ABCB7: variants seen among roughly 807,000 people sequenced by gnomAD.
ABCB7 encodes ATP binding cassette subfamily B member 7.
A neutral mutation model predicts 54.4 loss-of-function variants in ABCB7; 7 were observed. That is an observed-to-expected ratio of 0.13 (90% CI 0.07 to 0.24). The LOEUF (loss-of-function observed/expected upper bound fraction) is 0.24, where lower values mean the gene tolerates loss of function less well. Among genes scored for constraint, ABCB7 ranks in the 10% least tolerant of loss-of-function variants. The pLI, the probability that ABCB7 is intolerant of heterozygous loss-of-function variation, is 1.00. For synonymous variants in ABCB7, 218 were observed against 207.1 expected, an observed-to-expected ratio of 1.05 and a Z score of -0.45; for missense variants, 356 against 570.4, an observed-to-expected ratio of 0.62 and a Z score of 3.83.
chrX:75,125,182 GTCA>G (rs2081913831), intron 1 of ABCB7, among the ~76,000 whole-genome samples: 1 of 111,213 alleles, frequency 9.0e-6, no homozygotes, highest in South Asian at 3.8e-4. Flanking sequence ...CAATATGCAG[GTCA>G]TATCCCAAAC....
intron 13 of ABCB7, 116 bp downstream of exon 13, chrX:75,064,954 G>A: frequency 2.4e-6 from 2 of 842,535 alleles, no homozygotes; most frequent in Non-Finnish European, 3.4e-6. Context: ...AATCAAATGT[G>A]ACTCAACGAG....
At chrX:75,147,841 C>T (rs1404949751) in intron 1 of ABCB7, among the ~76,000 whole-genome samples, 3 of 112,595 alleles carry the variant, frequency 2.7e-5, no homozygotes, top group Non-Finnish European at 5.6e-5. Flanking sequence ...CAAGGCCAGG[C>T]GTGGTGGCTC....
intron 1 of ABCB7, among the ~76,000 whole-genome samples, chrX:75,136,247 T>C (rs1260960274): frequency 1.8e-5 from 2 of 111,028 alleles, no homozygotes; most frequent in East Asian, 2.8e-4. Context: ...CCATTCACAA[T>C]AGCAACAAAA....
At chrX:75,057,163 T>C (rs2081247020) in intron 15 of ABCB7, among the ~76,000 whole-genome samples, 1 of 111,981 alleles carries the variant, frequency 8.9e-6, no homozygotes, top group South Asian at 3.7e-4. Context: ...CTCTTTTCCG[T>C]ATCTCTTCTA....
At position 75,086,300 on chromosome X, in the gene ABCB7, A is replaced by G. The variant is rs561207123; in HGVS notation, c.454-9646T>C. On this transcript the variant is annotated intron_variant, in intron 4 of 15. Coordinates refer to ENST00000373394, the MANE Select transcript of ABCB7 (RefSeq NM_001271696.3). ...CAAAACTGTAAAATTTGGGACACTA[A>G]CTGAAGAAGAGAGTTAAGTAAAAAG... is the stretch of plus-strand genomic sequence containing the variant. Among the ~76,000 whole-genome samples the G allele has an allele frequency of 1.2e-4, 13 of 112,221 alleles. No homozygotes were observed. The South Asian group carries it at 4.5e-3, about 39-fold the overall frequency.
chrX:75,155,989 C>T, intron 1 of ABCB7, 116 bp downstream of exon 1: 1 of 841,119 alleles, frequency 1.2e-6, no homozygotes, highest in Non-Finnish European at 1.7e-6. Flanking sequence ...CTGCTGCTCC[C>T]AGTTAGCCAT....
chrX:75,059,283 G>C (rs12389936), intron 15 of ABCB7, among the ~76,000 whole-genome samples: 1 of 110,084 alleles, frequency 9.1e-6, no homozygotes, highest in African/African-American at 3.3e-5. Context: ...TTTAAGACCA[G>C]CCTGGGCAAC....
intron 1 of ABCB7, among the ~76,000 whole-genome samples, chrX:75,117,627 A>G (rs1332626476): frequency 3.6e-5 from 4 of 111,326 alleles, no homozygotes; most frequent in East Asian, 2.8e-4. Context: ...TGGGATGTTA[A>G]CTGCTACTCT....
chrX:75,122,449 G>C (rs1379891056), intron 1 of ABCB7, among the ~76,000 whole-genome samples: 1 of 112,345 alleles, frequency 8.9e-6, no homozygotes, highest in East Asian at 2.8e-4. Context: ...CCCCGCCTAT[G>C]GAATAGCCAT....
intron 5 of ABCB7, among the ~76,000 whole-genome samples, chrX:75,076,102 A>G (rs1045620088): frequency 3.6e-5 from 4 of 111,713 alleles, no homozygotes; most frequent in African/African-American, 1.3e-4. Flanking sequence ...TGTTCTTTTC[A>G]AATTGTAGAT....
chrX:75,146,016 C>T (rs1207922730), intron 1 of ABCB7, among the ~76,000 whole-genome samples: 4 of 110,409 alleles, frequency 3.6e-5, no homozygotes, highest in Non-Finnish European at 5.7e-5. Context: ...TATACACCGA[C>T]AACCATCAAG....
At chrX:75,152,778 G>A (rs1277522222) in intron 1 of ABCB7, among the ~76,000 whole-genome samples, 1 of 109,051 alleles carries the variant, frequency 9.2e-6, no homozygotes, top group Admixed American at 9.8e-5. Context: ...TCCTGTCTCA[G>A]TCTCCTGAGT....
chrX:75,093,350 T>C (rs2081560258), intron 4 of ABCB7, among the ~76,000 whole-genome samples: 1 of 111,570 alleles, frequency 9.0e-6, no homozygotes, highest in South Asian at 3.7e-4. Flanking sequence ...TCCAACTATA[T>C]GACATTCTGG....
At chrX:75,059,960 T>C (rs1007937110) in intron 15 of ABCB7, among the ~76,000 whole-genome samples, 4 of 111,868 alleles carry the variant, frequency 3.6e-5, no homozygotes, top group African/African-American at 1.3e-4. Context: ...ATATGCACCA[T>C]TGAAAAACCT....
At chrX:75,079,589 T>C (rs1457222440) in intron 4 of ABCB7, among the ~76,000 whole-genome samples, 3 of 112,139 alleles carry the variant, frequency 2.7e-5, no homozygotes, top group African/African-American at 9.7e-5. Flanking sequence ...CAGCATCTCC[T>C]AATGACATTT....
intron 4 of ABCB7, among the ~76,000 whole-genome samples, chrX:75,096,893 T>C (rs983430256): frequency 5.4e-5 from 6 of 111,091 alleles, no homozygotes; most frequent in Non-Finnish European, 9.4e-5. Flanking sequence ...CAATTTCTAC[T>C]ACTATTTCAG....
chrX:75,116,213 A>G lies in ABCB7; in HGVS notation c.169-1382T>C, dbSNP rs1360911595. Among the ~76,000 whole-genome samples the G allele has an allele frequency of 1.8e-5, 2 of 111,341 alleles. 1 individual carries two copies. The highest frequency in any genetic ancestry group is 3.8e-5 in the Non-Finnish European group (2 of 53,087). On this transcript the variant is annotated intron_variant, in intron 1 of 15. Coordinates refer to ENST00000373394, the MANE Select transcript of ABCB7 (RefSeq NM_001271696.3). The stretch of plus-strand genomic sequence containing the variant: ...CATGAGAAGAACCTTGGATTCCACA[A>G]GCCCCTGTTCAAACTCAAGCATTTC...
At chrX:75,129,020 T>C (rs894718524) in intron 1 of ABCB7, among the ~76,000 whole-genome samples, 1 of 111,894 alleles carries the variant, frequency 8.9e-6, no homozygotes, top group African/African-American at 3.3e-5. Context: ...AGTTCAACCA[T>C]TGTGGAAGAT....
In ABCB7 at chrX:75,156,282, G is replaced by C; in HGVS notation, c.-10C>G. On this transcript the variant is annotated 5_prime_UTR_variant, in exon 1 of 16. Coordinates refer to ENST00000373394, the MANE Select transcript of ABCB7 (RefSeq NM_001271696.3). ...TCGCGAGCAGCGCCATCTTGAGCGA[G>C]GAAAGAGGAACCGAGAGAAGAGGAT... The C allele has an allele frequency of 8.3e-7, 1 of 1,199,959 alleles. No individual in the cohort carries two copies. Among genetic ancestry groups the C allele is most frequent in the Non-Finnish European group, 1.1e-6 (1 of 889,827 alleles).
Sources: allele counts gnomAD v4.1 joint callset (sites outside exome capture counted in the v4.1 genomes callset), GRCh38; gene constraint gnomAD v4.1.1; transcripts MANE v1.5; gene names NCBI Gene and HGNC (gene_info 2026-07-23, HGNC 2026-07-21).